The following PTAFR variants were observed in gnomAD, a reference collection of about 807,000 sequenced individuals.
PTAFR encodes platelet-activating factor receptor.
A neutral mutation model predicts 14.7 loss-of-function variants in PTAFR; 8 were observed. The ratio of observed to expected loss-of-function variants is 0.54; its 90% CI spans 0.32 to 0.98. PTAFR has a LOEUF of 0.98. PTAFR is among the 50% of genes least tolerant of loss of function. The probability of loss-of-function intolerance (pLI) is 0.04; values close to 1 mark genes in which losing one functional copy is unlikely to be tolerated. For missense variants in PTAFR, 337 were observed against 451.2 expected (o/e 0.75, Z 2.29); for synonymous variants, 156 against 176.5 (o/e 0.88, Z 0.92).
chr1:28,150,937 C>T lies in PTAFR; in HGVS notation c.85G>A (p.Gly29Arg), dbSNP rs763496374. 2 of 1,614,004 alleles carry T rather than the reference C, an allele frequency of 1.2e-6. No individual in the cohort carries two copies. The highest frequency in any genetic ancestry group is 1.7e-6 in the Non-Finnish European group (2 of 1,179,940). Reference sequence around the variant, plus strand: ...AGCACGTAGCCATTAGCAATGACCCCGAGCACAAAGATGATGCTGTAAACA... The same window carrying T: ...AGCACGTAGCCATTAGCAATGACCCTGAGCACAAAGATGATGCTGTAAACA... ...PIVYSIIFVL[G>R]VIANGYVLWV... is the part of the protein sequence containing the mutation. The change falls in exon 2 of 2, where the codon GGG becomes AGG. Residue 29 changes from glycine (G) to arginine (R), a missense_variant. Gly to Arg is a moderately radical substitution (Grantham distance 125, BLOSUM62 -2). Transcript: ENST00000373857. The surrounding 1 kb of genome is among the most constrained non-coding windows in gnomAD (Gnocchi z 6.3).
At chr1:28,172,334 G>A (rs1646461965) in intron 1 of PTAFR, among the ~76,000 whole-genome samples, 1 of 152,140 alleles carries the variant, frequency 6.6e-6, no homozygotes, top group Admixed American at 6.5e-5. Context: ...GTTATACCAG[G>A]AATCACGCTG....
chr1:28,170,024 C>T (rs1239484927), intron 1 of PTAFR, among the ~76,000 whole-genome samples: 1 of 151,796 alleles, frequency 6.6e-6, no homozygotes, highest in Non-Finnish European at 1.5e-5. Context: ...AAGAAGATGC[C>T]TGGTCTGGTC....
intron 1 of PTAFR, among the ~76,000 whole-genome samples, chr1:28,189,219 T>C (rs1355418319): frequency 6.6e-6 from 1 of 151,846 alleles, no homozygotes; most frequent in African/African-American, 2.4e-5. Context: ...TTACCAAAAA[T>C]ATTAAACACA....
intron 1 of PTAFR, among the ~76,000 whole-genome samples, chr1:28,151,430 G>A (rs956836344): frequency 4.6e-5 from 7 of 151,952 alleles, no homozygotes; most frequent in African/African-American, 7.2e-5. Context: ...TGCCCACCTC[G>A]GCCTCCCAAA....
chr1:28,149,137 G>C lies in PTAFR; in HGVS notation c.*856C>G, dbSNP rs1262670991. On this transcript the variant is annotated 3_prime_UTR_variant, in exon 2 of 2. Coordinates refer to ENST00000373857, the MANE Select transcript of PTAFR (RefSeq NM_000952.5). ...GGTCACCATTAGGGACAGGTTGCCAGATGAGTCAGAGAAGGTTCCATCAAG... is the reference window on the plus strand; with the variant it reads ...GGTCACCATTAGGGACAGGTTGCCACATGAGTCAGAGAAGGTTCCATCAAG... 1 of 152,292 alleles carries C rather than the reference G, an allele frequency of 6.6e-6. No homozygotes were observed. Among genetic ancestry groups the C allele is most frequent in the Non-Finnish European group, 1.5e-5 (1 of 68,100 alleles). 9.4% of individuals were successfully genotyped at this position (152,292 alleles called of 1,614,324 possible).
In PTAFR at chr1:28,149,882, G is replaced by T; in HGVS notation, c.*111C>A. 7.3e-7 allele frequency: 1 copy of T among 1,376,372 alleles called. No individual in the cohort carries two copies. The highest frequency in any genetic ancestry group is 9.9e-7 in the Non-Finnish European group (1 of 1,013,606). 85.3% of individuals were successfully genotyped at this position (1,376,372 alleles called of 1,614,324 possible). A position where few individuals can be genotyped will look rare whatever the true frequency, so the allele number is the denominator to read the frequency against. On this transcript the variant is annotated 3_prime_UTR_variant, in exon 2 of 2. Coordinates refer to ENST00000373857, the MANE Select transcript of PTAFR (RefSeq NM_000952.5). ...GGTGAGGTAGCCTCCAAATCTAATG[G>T]CCCACCAGTGCCCACAGAGGTGGTG... is the stretch of plus-strand genomic sequence containing the variant.
chr1:28,170,229 G>C (rs1170759623), intron 1 of PTAFR, among the ~76,000 whole-genome samples: 1 of 152,088 alleles, frequency 6.6e-6, no homozygotes, highest in Admixed American at 6.6e-5. Context: ...CCATCACAGG[G>C]CCTCCTACAT....
In PTAFR at chr1:28,150,890, G is replaced by A; in HGVS notation, c.132C>T (p.Tyr44=). ...TTATCTCATTGAATTTCTTGCAAGG[G>A]TACAGGCGGGCAAAGACCCACAGCA... The part of the protein sequence containing the change: ...GYVLWVFARL[Y]PCKKFNEIKI... Residue 44 remains tyrosine, a synonymous_variant, in exon 2 of 2, where the codon TAC becomes TAT. Transcript: ENST00000373857. This position sits in a 1 kb window ranked among gnomAD's most constrained non-coding sequence, Gnocchi z 6.3. 1 of 1,614,110 alleles carries A rather than the reference G, an allele frequency of 6.2e-7. No individual in the cohort carries two copies. The highest frequency in any genetic ancestry group is 8.5e-7 in the Non-Finnish European group (1 of 1,180,024).
intron 1 of PTAFR, among the ~76,000 whole-genome samples, chr1:28,158,744 G>C (rs1646293722): frequency 6.6e-6 from 1 of 152,088 alleles, no homozygotes; most frequent in Admixed American, 6.6e-5. Context: ...CTAGAGGTTA[G>C]TCTAAGGAGT....
chr1:28,169,752 C>A (rs1470123148), intron 1 of PTAFR, among the ~76,000 whole-genome samples: 6 of 152,180 alleles, frequency 3.9e-5, no homozygotes, highest in Admixed American at 6.5e-5. Context: ...GTAATCCCAG[C>A]ACTTTGGGAG....
At position 28,150,768 on chromosome 1, in the gene PTAFR, A is replaced by T; in HGVS notation, c.254T>A (p.Leu85His). 1 of 1,614,172 alleles carries T rather than the reference A, an allele frequency of 6.2e-7. No homozygotes were observed. Among genetic ancestry groups the T allele is most frequent in the Non-Finnish European group, 8.5e-7 (1 of 1,180,038 alleles). Residue 85 changes from leucine (L) to histidine (H), a missense_variant, in exon 2 of 2, where the codon CTC becomes CAC. Coordinates refer to ENST00000373857, the MANE Select transcript of PTAFR (RefSeq NM_000952.5). The surrounding 1 kb of genome is among the most constrained non-coding windows in gnomAD (Gnocchi z 6.3). Reference sequence around the variant, plus strand: ...AGCCACGTTGCACAGGAATTTGGGGAGTATCCAGTTGCCCTGGTTTTGGTA... The same window carrying T: ...AGCCACGTTGCACAGGAATTTGGGGTGTATCCAGTTGCCCTGGTTTTGGTA... The part of the protein sequence containing the change: ...VYYQNQGNWI[L>H]PKFLCNVAGC...
intron 1 of PTAFR, among the ~76,000 whole-genome samples, chr1:28,171,384 C>T (rs900490610): frequency 6.6e-6 from 1 of 151,910 alleles, no homozygotes; most frequent in African/African-American, 2.4e-5. Flanking sequence ...ACAACCTCTA[C>T]AGTGCTAGGC....
At chr1:28,160,444 G>A (rs1283306874) in intron 1 of PTAFR, among the ~76,000 whole-genome samples, 1 of 150,032 alleles carries the variant, frequency 6.7e-6, no homozygotes, top group African/African-American at 2.5e-5. Context: ...GCTCATGCCT[G>A]TAATACCAGC....
intron 1 of PTAFR, among the ~76,000 whole-genome samples, chr1:28,158,776 A>G (rs1646293959): frequency 6.6e-6 from 1 of 152,086 alleles, no homozygotes. Flanking sequence ...TCTGCAGACA[A>G]TGGGAGTTAT....
At chr1:28,181,100 C>CGGGAAA (rs1557697518), upstream of PTAFR, among the ~76,000 whole-genome samples, 62 of 152,220 alleles carry the variant, frequency 4.1e-4, no homozygotes, top group East Asian at 9.8e-3. Flanking sequence ...CGCCCTCCTC[C>CGGGAAA]GCCTTCCAAA....
intron 1 of PTAFR, among the ~76,000 whole-genome samples, chr1:28,184,066 A>ACGT (rs1375626349): frequency 2.6e-5 from 3 of 113,838 alleles, no homozygotes; most frequent in Non-Finnish European, 3.6e-5. Context: ...TTCCATACTC[A>ACGT]CGTCCCCATT....
In PTAFR at chr1:28,170,392, A is replaced by G. The variant is rs559099438; in HGVS notation, c.-39+6200T>C. 1.1e-4 allele frequency among the ~76,000 whole-genome samples: 16 copies of G among 152,144 alleles called. 1 individual carries two copies. The highest frequency in any genetic ancestry group is 1.0e-3 in the South Asian group (5 of 4,818). On this transcript the variant is annotated intron_variant, in intron 1 of 1. Transcript: ENST00000373857. The stretch of plus-strand genomic sequence containing the variant: ...CGCTGGGGCCAGTCCCACTTTCCTC[A>G]TCTATAAAATGGGAATAGCATCAAC...
chr1:28,174,392 G>A (rs1051039730), intron 1 of PTAFR, among the ~76,000 whole-genome samples: 5 of 152,096 alleles, frequency 3.3e-5, no homozygotes, highest in South Asian at 4.1e-4. Context: ...GGGGTGGGAA[G>A]TGGGGAATCT....
intron 1 of PTAFR, among the ~76,000 whole-genome samples, chr1:28,151,954 G>A (rs918935927): frequency 9.2e-5 from 14 of 152,166 alleles, no homozygotes; most frequent in Admixed American, 2.0e-4. Context: ...GTGCAGTGGT[G>A]CGATCACAGC....
Sources: gnomAD v4.1 joint callset for allele counts (sites outside exome capture counted in the v4.1 genomes callset) on GRCh38, gnomAD v4.1.1 for gene constraint, Gnocchi (gnomAD v3.1) non-coding constraint, MANE v1.5 for transcripts, NCBI Gene and HGNC (gene_info 2026-07-23, HGNC 2026-07-21) for gene names.